ALG9: variants seen among roughly 807,000 people sequenced by gnomAD.
ALG9 encodes the protein alpha-1,2-mannosyltransferase ALG9.
In ALG9, 55 loss-of-function variants were observed where a neutral mutation model predicts 81.8. The ratio of observed to expected loss-of-function variants is 0.67; its 90% confidence interval spans 0.54 to 0.84. The LOEUF (loss-of-function observed/expected upper bound fraction) is 0.84. Ranked by LOEUF, ALG9 falls within the 40% of genes least tolerant of loss-of-function variation. ALG9 has a pLI of 0.00. For synonymous variants in ALG9, 278 were observed against 274.3 expected (o/e 1.01, Z -0.13); for missense variants, 629 against 745.0 (o/e 0.84, Z 1.81).
In ALG9 at chr11:111,785,245, T is replaced by C. The variant is rs1330468497; in HGVS notation, c.*1152A>G. On this transcript the variant is annotated 3_prime_UTR_variant, in exon 15 of 15. Transcript: ENST00000616540. ...TGTTTCCTTATCTGTAAAATGGGGA[T>C]AAAAATCACCTGCCTTGTCTACCAC... 2.0e-5 allele frequency: 3 copies of C among 152,264 alleles called. No homozygotes were observed. Among genetic ancestry groups the C allele is most frequent in the African/African-American group, 7.2e-5 (3 of 41,452 alleles). 9.4% of individuals were successfully genotyped at this position (152,264 alleles called of 1,614,324 possible).
chr11:111,854,393 C>A (rs988336721), intron 6 of ALG9, among the ~76,000 whole-genome samples: 20 of 151,566 alleles, frequency 1.3e-4, no homozygotes, highest in African/African-American at 4.9e-4. Flanking sequence ...CTAAGCCTCC[C>A]AAGTAACTGG....
chr11:111,809,517 T>TACACACACAC (rs4026119), intron 14 of ALG9, 126 bp downstream of exon 14: 793 of 940,406 alleles, frequency 8.4e-4, no homozygotes, highest in African/African-American at 5.4e-3. Context: ...GAGACTCCAT[T>TACACACACAC]ACACACACAC....
At chr11:111,848,576 G>A (rs1429676117) in intron 8 of ALG9, among the ~76,000 whole-genome samples, 4 of 122,492 alleles carry the variant, frequency 3.3e-5, no homozygotes, top group Admixed American at 2.8e-4. Context: ...GGCAACAAGA[G>A]CAAAACTCCA....
chr11:111,849,412 G>C (rs1555134789), intron 8 of ALG9: 1 of 152,158 alleles, frequency 6.6e-6, no homozygotes, highest in African/African-American at 2.4e-5. Context: ...AATAGGCTTA[G>C]TATGTTCTTA....
chr11:111,860,107 A>G (rs1959541205), intron 5 of ALG9, among the ~76,000 whole-genome samples: 1 of 152,228 alleles, frequency 6.6e-6, no homozygotes, highest in Non-Finnish European at 1.5e-5. Context: ...AAACAGAATC[A>G]TCAACAACAG....
intron 8 of ALG9, among the ~76,000 whole-genome samples, chr11:111,846,823 T>C (rs1957017421): frequency 6.6e-6 from 1 of 152,176 alleles, no homozygotes; most frequent in East Asian, 1.9e-4. Context: ...AGATATTCAA[T>C]GCTGCTGCTC....
At chr11:111,774,681 A>C in the ALG9 span, among the ~76,000 whole-genome samples, 1 of 152,220 alleles carries the variant, frequency 6.6e-6, no homozygotes, top group Non-Finnish European at 1.5e-5. Flanking sequence ...GACTCACTCC[A>C]GAATACCACA....
At chr11:111,860,518 G>T in intron 5 of ALG9, 29 bp downstream of exon 5, 1 of 1,591,318 alleles carries the variant, frequency 6.3e-7, no homozygotes, top group Non-Finnish European at 8.6e-7. Flanking sequence ...GTGATGACCT[G>T]CAATTCCCTC....
intron 13 of ALG9, among the ~76,000 whole-genome samples, chr11:111,817,828 G>A (rs1007897318): frequency 1.3e-5 from 2 of 150,034 alleles, no homozygotes; most frequent in Admixed American, 1.3e-4. Flanking sequence ...CCAGGCTGGA[G>A]TGCAGTGGTG....
intron 9 of ALG9, among the ~76,000 whole-genome samples, chr11:111,842,069 G>T (rs1366084465): frequency 6.6e-6 from 1 of 151,986 alleles, no homozygotes; most frequent in Admixed American, 6.6e-5. Context: ...GCTAACTGTT[G>T]TATTTTTAGT....
Position 111,838,372 on chromosome 11 carries a change from A to G in ALG9, c.1201T>C (p.Tyr401His). 6.2e-7 allele frequency: 1 copy of G among 1,613,388 alleles called. No homozygotes were observed. Among genetic ancestry groups the G allele is most frequent in the Non-Finnish European group, 8.5e-7 (1 of 1,179,254 alleles). Residue 401 changes from tyrosine (Y) to histidine (H), a missense_variant, in exon 11 of 15, where the codon TAC becomes CAC. Physicochemically the swap from Tyr to His is moderately conservative, Grantham distance 83. Transcript: ENST00000616540. Reference sequence around the variant, plus strand: ...CGATATCGTTGAAACACAAAGTGGTAACATTTCTGGAAGTACAGAAAACTG... The same window carrying G: ...CGATATCGTTGAAACACAAAGTGGTGACATTTCTGGAAGTACAGAAAACTG... ...QHSFLYFQKC[Y>H]HFVFQRYRLE...
intron 14 of ALG9, among the ~76,000 whole-genome samples, chr11:111,807,196 C>T (rs1415752483): frequency 6.6e-6 from 1 of 152,162 alleles, no homozygotes. Flanking sequence ...CCTACAGTGG[C>T]TCCCCATTTA....
intron 14 of ALG9, among the ~76,000 whole-genome samples, chr11:111,801,322 G>C (rs535249333): frequency 6.6e-6 from 1 of 152,302 alleles, no homozygotes; most frequent in Admixed American, 6.5e-5. Context: ...ATATGTCATG[G>C]TGCTGACAGA....
chr11:111,871,190 C>T, intron 1 of ALG9, 162 bp downstream of exon 1: 1 of 1,300,512 alleles, frequency 7.7e-7, no homozygotes, highest in Admixed American at 4.2e-5. Context: ...GAATGCTGAC[C>T]CGCCCAGGAA....
the ALG9 span, among the ~76,000 whole-genome samples, chr11:111,770,827 G>A: frequency 8.5e-5 from 13 of 152,236 alleles, no homozygotes; most frequent in African/African-American, 2.9e-4. Flanking sequence ...TCCTCCCTCA[G>A]GTCTCCTCTC....
chr11:111,829,427 A>C (rs1306239432), intron 13 of ALG9, among the ~76,000 whole-genome samples: 2 of 152,216 alleles, frequency 1.3e-5, no homozygotes, highest in African/African-American at 4.8e-5. Context: ...TTCTGTTTCA[A>C]CCCACTAGAA....
chr11:111,852,461 G>A (rs1957977077), intron 8 of ALG9, among the ~76,000 whole-genome samples: 1 of 152,070 alleles, frequency 6.6e-6, no homozygotes, highest in Non-Finnish European at 1.5e-5. Context: ...CAGATTAAAG[G>A]CATTCCATTT....
intron 13 of ALG9, among the ~76,000 whole-genome samples, chr11:111,812,527 A>T (rs1256616012): frequency 1.3e-5 from 2 of 152,166 alleles, no homozygotes; most frequent in African/African-American, 4.8e-5. Context: ...TGATCATGCC[A>T]CTGCATTCCA....
Position 111,786,016 on chromosome 11 carries a change from T to G in ALG9, c.*381A>C, listed in dbSNP as rs1555062760. The G allele has an allele frequency of 6.6e-6, 3 of 457,258 alleles. No homozygotes were observed. The highest frequency in any genetic ancestry group is 1.3e-5 in the Non-Finnish European group (3 of 227,414). The allele number at this position is 457,258 out of a possible 1,614,324, so 28.3% of individuals were successfully genotyped here. A position where few individuals can be genotyped will look rare whatever the true frequency, so the allele number is the denominator to read the frequency against. On this transcript the variant is annotated 3_prime_UTR_variant, in exon 15 of 15. Coordinates refer to ENST00000616540, the MANE Select transcript of ALG9 (RefSeq NM_024740.2). ...CTAGTTCTCAGATGCCAGGCCAGAG[T>G]GTGGAGAACAGCTTATCACAGCCAT...
Sources: gnomAD v4.1 joint callset for allele counts (sites outside exome capture counted in the v4.1 genomes callset) on GRCh38, gnomAD v4.1.1 for gene constraint, MANE v1.5 for transcripts, NCBI Gene and HGNC (gene_info 2026-07-23, HGNC 2026-07-21) for gene names.